Variants in POU2F1 observed in about 807,000 individuals in gnomAD.
POU2F1 encodes the protein POU class 2 homeobox 1, also known as POU domain, class 2, transcription factor 1.
Under a neutral mutation model 84.9 loss-of-function variants are expected in POU2F1, and 16 were observed. The ratio of observed to expected loss-of-function variants is 0.19; its 90% CI spans 0.13 to 0.29. The LOEUF (loss-of-function observed/expected upper bound fraction) is 0.29. POU2F1 is among the 10% of genes least tolerant of loss of function. The probability of loss-of-function intolerance (pLI) is 1.00; values close to 1 mark genes in which losing one functional copy is unlikely to be tolerated. For missense variants in POU2F1, 738 were observed against 942.6 expected (o/e 0.78, Z 2.84); for synonymous variants, 368 against 368.3 (o/e 1.00, Z 0.01).
intron 1 of POU2F1, among the ~76,000 whole-genome samples, chr1:167,276,450 GTA>G (rs112638475): frequency 1.5e-4 from 22 of 151,686 alleles, no homozygotes; most frequent in South Asian, 4.2e-4. Flanking sequence ...TTAATCATAG[GTA>G]TATATATATA....
chr1:167,384,748 C>A (rs1193945469), intron 8 of POU2F1, among the ~76,000 whole-genome samples: 32 of 151,820 alleles, frequency 2.1e-4, no homozygotes, highest in Non-Finnish European at 2.9e-5. Context: ...AAACCAACAT[C>A]ATACTTCACG....
intron 1 of POU2F1, among the ~76,000 whole-genome samples, chr1:167,310,554 A>G (rs1230455523): frequency 1.3e-5 from 2 of 152,228 alleles, no homozygotes; most frequent in East Asian, 3.9e-4. Context: ...AGGGAGGTAG[A>G]TAAAGGAGAA....
intron 7 of POU2F1, chr1:167,379,714 T>G (rs1647379262): frequency 6.6e-6 from 1 of 152,174 alleles, no homozygotes; most frequent in African/African-American, 2.4e-5. Context: ...TTTATTAGAT[T>G]TGTTAATTGC....
intron 1 of POU2F1, among the ~76,000 whole-genome samples, chr1:167,294,950 A>G (rs187230878): frequency 1.3e-5 from 2 of 152,244 alleles, no homozygotes; most frequent in Admixed American, 6.5e-5. Flanking sequence ...CCTTGCCAAC[A>G]TGATGAAACC....
At position 167,383,937 on chromosome 1, in the gene POU2F1, A is replaced by G; in HGVS notation, c.799A>G (p.Thr267Ala). 1 of 1,612,926 alleles carries G rather than the reference A, an allele frequency of 6.2e-7. No individual in the cohort carries two copies. The change falls in exon 8 of 16, where the codon ACC (threonine) becomes GCC (alanine). Residue 267 changes from threonine (T) to alanine (A), a missense_variant. Transcript: ENST00000367866. ...CCTCCTACAGTCGCAGCCAAGCATC[A>G]CCCTCACCTCCCAGGTCAGTTTTCT... ...ANLLQSQPSI[T>A]LTSQPATPTR...
chr1:167,339,928 A>G (rs1657720492), intron 2 of POU2F1, among the ~76,000 whole-genome samples: 3 of 152,222 alleles, frequency 2.0e-5, no homozygotes, highest in Non-Finnish European at 1.5e-5. Context: ...AACATTTTAC[A>G]TAGATTATCT....
At chr1:167,324,349 G>T (rs1362321783) in intron 1 of POU2F1, among the ~76,000 whole-genome samples, 1 of 150,918 alleles carries the variant, frequency 6.6e-6, no homozygotes, top group Non-Finnish European at 1.5e-5. Flanking sequence ...AACTTTTCTT[G>T]AGTTTTTAGT....
At chr1:167,241,546 A>G (rs1189635000) in intron 1 of POU2F1, 11 of 152,210 alleles carry the variant, frequency 7.2e-5, no homozygotes, top group Admixed American at 7.2e-4. Context: ...TGAAGGATTA[A>G]TGAGCATACA....
At chr1:167,321,787 A>T (rs1273030648) in intron 1 of POU2F1, among the ~76,000 whole-genome samples, 1 of 151,992 alleles carries the variant, frequency 6.6e-6, no homozygotes, top group Non-Finnish European at 1.5e-5. Flanking sequence ...AACCTTGCAG[A>T]TTTTTTCCTA....
rs956153612 is a variant in POU2F1, at chr1:167,418,977, A to G, written c.*3167A>G. On this transcript the variant is annotated 3_prime_UTR_variant, in exon 16 of 16. Coordinates refer to ENST00000367866, the MANE Select transcript of POU2F1 (RefSeq NM_002697.4). Reference sequence around the variant, plus strand: ...GTTGTGAAATGAAAGGTACATTTACACATGTACACACGAAACACTAATATA... The same window carrying G: ...GTTGTGAAATGAAAGGTACATTTACGCATGTACACACGAAACACTAATATA... 3.9e-5 allele frequency: 6 copies of G among 152,216 alleles called. No individual in the cohort carries two copies. The highest frequency in any genetic ancestry group is 6.5e-5 in the Admixed American group (1 of 15,284). The allele number at this position is 152,216 out of a possible 1,614,324, so 9.4% of individuals were successfully genotyped here. A position where few individuals can be genotyped will look rare whatever the true frequency, so the allele number is the denominator to read the frequency against.
intron 1 of POU2F1, among the ~76,000 whole-genome samples, chr1:167,248,018 G>T (rs955643313): frequency 6.6e-6 from 1 of 152,132 alleles, no homozygotes; most frequent in African/African-American, 2.4e-5. Flanking sequence ...TGTGTAGTTG[G>T]AAGTTAATGT....
chr1:167,328,622 C>G (rs73022267), intron 1 of POU2F1, among the ~76,000 whole-genome samples: 3,025 of 152,246 alleles, frequency 0.02, 93 homozygotes, highest in African/African-American at 0.068. Context: ...TAACAGAACT[C>G]TGTCTCCTGT....
At chr1:167,362,282 C>CT (rs1311260925) in intron 2 of POU2F1, among the ~76,000 whole-genome samples, 1 of 152,198 alleles carries the variant, frequency 6.6e-6, no homozygotes, top group Non-Finnish European at 1.5e-5. Flanking sequence ...GAGTAGTTGT[C>CT]TAAGAGTATT....
intron 12 of POU2F1, among the ~76,000 whole-genome samples, chr1:167,400,824 G>A (rs1010138268): frequency 1.3e-5 from 2 of 152,194 alleles, no homozygotes; most frequent in African/African-American, 4.8e-5. Flanking sequence ...ACTAAGGTCA[G>A]CATTAAAAGC....
chr1:167,371,924 C>A lies in POU2F1; in HGVS notation c.290C>A (p.Ser97Tyr). The A allele has an allele frequency of 6.2e-7, 1 of 1,614,204 alleles. No homozygotes were observed. The highest frequency in any genetic ancestry group is 8.5e-7 in the Non-Finnish European group (1 of 1,180,028). ...CTACCCACCCCACCTCAGTCTAAAT[C>A]TAATGAAGAATCGGGGGATTCGCAG... ...AAQSLNVQSK[S>Y]NEESGDSQQP... The change falls in exon 5 of 16, where the codon TCT (serine) becomes TAT (tyrosine). Residue 97 changes from serine (S) to tyrosine (Y), a missense_variant. Physicochemically the swap from Ser to Tyr is moderately radical, Grantham distance 144 (BLOSUM62 -2). Around this residue, in one of 4 missense-constraint regions of POU2F1, gnomAD observed 161 missense variants for 147.0 expected, o/e 1.10. Transcript: ENST00000367866.
intron 1 of POU2F1, among the ~76,000 whole-genome samples, chr1:167,332,206 C>T (rs1657120634): frequency 1.3e-5 from 2 of 152,094 alleles, no homozygotes; most frequent in African/African-American, 4.8e-5. Context: ...TACAGTTCTG[C>T]TGTCTTTCTT....
intron 12 of POU2F1, among the ~76,000 whole-genome samples, chr1:167,400,006 A>T: frequency 1.3e-5 from 1 of 78,434 alleles, no homozygotes; most frequent in African/African-American, 5.1e-5. Flanking sequence ...TTGTTGAGAC[A>T]GAGTTTCACT....
At chr1:167,243,074 C>G (rs760655689) in intron 1 of POU2F1, among the ~76,000 whole-genome samples, 8 of 152,216 alleles carry the variant, frequency 5.3e-5, no homozygotes, top group African/African-American at 1.9e-4. Flanking sequence ...TCTTCAGTGC[C>G]GCTACTTAAC....
chr1:167,359,184 T>C (rs1439963030), intron 2 of POU2F1, among the ~76,000 whole-genome samples: 1 of 72,516 alleles, frequency 1.4e-5, no homozygotes, highest in African/African-American at 4.8e-5. Context: ...CACACTAGAC[T>C]TTTTTTAAAA....
Sources: gnomAD v4.1 joint callset for allele counts (sites outside exome capture counted in the v4.1 genomes callset) on GRCh38, gnomAD v4.1.1 for gene constraint, gnomAD v4.1.1 regional missense constraint, MANE v1.5 for transcripts, NCBI Gene and HGNC (gene_info 2026-07-23, HGNC 2026-07-21) for gene names.